Variants in NOL4 observed in about 807,000 individuals in gnomAD.
The protein encoded by NOL4 is cancer/testis antigen 125.
In NOL4, 17 loss-of-function variants were observed where a neutral mutation model predicts 75.9. That is an observed-to-expected ratio of 0.22 (90% CI 0.15 to 0.34). The LOEUF is 0.34. Among genes scored for constraint, NOL4 ranks in the 10% least tolerant of loss-of-function variants. NOL4 has a pLI of 1.00. For synonymous variants in NOL4, 292 were observed against 289.9 expected, an observed-to-expected ratio of 1.01 and a Z score of -0.07; for missense variants, 614 against 793.5, an observed-to-expected ratio of 0.77 and a Z score of 2.72.
At chr18:34,060,554 T>C (rs1281439808) in intron 5 of NOL4, among the ~76,000 whole-genome samples, 6 of 152,226 alleles carry the variant, frequency 3.9e-5, no homozygotes, top group Non-Finnish European at 7.3e-5. Context: ...CTTCCCATTA[T>C]TGAAATATAA....
intron 9 of NOL4, among the ~76,000 whole-genome samples, chr18:33,921,984 A>G (rs2067068944): frequency 6.6e-6 from 1 of 152,208 alleles, no homozygotes; most frequent in Non-Finnish European, 1.5e-5. Flanking sequence ...CTCTGGCCTC[A>G]GCAATTGCTT....
intron 1 of NOL4, among the ~76,000 whole-genome samples, chr18:34,175,001 T>G (rs993989005): frequency 6.6e-6 from 1 of 152,142 alleles, no homozygotes; most frequent in Non-Finnish European, 1.5e-5. Context: ...GATCTAGAAC[T>G]AGAAATACCA....
chr18:34,207,551 G>A (rs772874500), intron 1 of NOL4, among the ~76,000 whole-genome samples: 28 of 152,150 alleles, frequency 1.8e-4, no homozygotes, highest in Admixed American at 1.6e-3. Context: ...ATGGTGCTTT[G>A]CATATATTCT....
At chr18:34,212,108 C>G (rs189161706) in intron 1 of NOL4, among the ~76,000 whole-genome samples, 283 of 152,198 alleles carry the variant, frequency 1.9e-3, no homozygotes, top group African/African-American at 6.5e-3. Flanking sequence ...CTCCATCCTA[C>G]TGCTAAAACA....
Position 33,974,479 on chromosome 18 carries a change from G to C in NOL4, c.1057-16061C>G, listed in dbSNP as rs112379504. 7.2e-3 allele frequency among the ~76,000 whole-genome samples: 1,099 copies of C among 152,148 alleles called. 13 individuals carry two copies. The highest frequency in any genetic ancestry group is 0.023 in the African/African-American group (967 of 41,530). On this transcript the variant is annotated intron_variant, in intron 6 of 10. Coordinates refer to ENST00000261592, the MANE Select transcript of NOL4 (RefSeq NM_003787.5). ...AGGCTCAAGGAGAGGGAGAGAGATG[G>C]GGGAACAGCCAGTCATTGGAGTAGT...
chr18:33,924,306 T>C (rs2067204510), intron 9 of NOL4, among the ~76,000 whole-genome samples: 1 of 152,200 alleles, frequency 6.6e-6, no homozygotes, highest in Non-Finnish European at 1.5e-5. Context: ...TGGGACATTC[T>C]TTATCTGCTC....
chr18:33,887,506 G>A (rs1023878036), intron 9 of NOL4, among the ~76,000 whole-genome samples: 3 of 151,416 alleles, frequency 2.0e-5, no homozygotes, highest in African/African-American at 7.3e-5. Context: ...GGGCCATGTT[G>A]GTTTGCTGCA....
intron 5 of NOL4, among the ~76,000 whole-genome samples, chr18:34,034,597 G>A (rs1031264693): frequency 1.3e-5 from 2 of 151,974 alleles, no homozygotes; most frequent in Non-Finnish European, 2.9e-5. Flanking sequence ...AAATCAGCTG[G>A]GCATAGTGGT....
intron 2 of NOL4, among the ~76,000 whole-genome samples, chr18:34,112,373 A>T (rs1014527544): frequency 1.3e-5 from 2 of 149,540 alleles, no homozygotes; most frequent in Non-Finnish European, 3.0e-5. Context: ...TCCCCCCCCA[A>T]AAAAAAAAGA....
chr18:33,861,630 C>A (rs1037786612), intron 10 of NOL4, among the ~76,000 whole-genome samples: 3 of 152,042 alleles, frequency 2.0e-5, no homozygotes, highest in South Asian at 2.1e-4. Flanking sequence ...CAATAACAGA[C>A]AAACAGAGAG....
At chr18:34,221,641 G>T (rs1600922538) in intron 1 of NOL4, 2 of 154,494 alleles carry the variant, frequency 1.3e-5, no homozygotes, top group South Asian at 2.1e-4. Flanking sequence ...ACTTTTATAT[G>T]TGTTTCCATT....
chr18:33,863,579 A>G (rs1391304669), intron 10 of NOL4, among the ~76,000 whole-genome samples: 1 of 152,112 alleles, frequency 6.6e-6, no homozygotes, highest in Non-Finnish European at 1.5e-5. Flanking sequence ...AAGCTCTGAA[A>G]TGATCTTCTT....
At chr18:34,122,869 C>T (rs547709962) in intron 2 of NOL4, among the ~76,000 whole-genome samples, 1 of 152,090 alleles carries the variant, frequency 6.6e-6, no homozygotes, top group Non-Finnish European at 1.5e-5. Flanking sequence ...ACCTCTCGAT[C>T]TGAGTGAGAA....
chr18:34,018,119 C>T (rs925433684), intron 6 of NOL4, among the ~76,000 whole-genome samples: 5 of 152,088 alleles, frequency 3.3e-5, no homozygotes, highest in East Asian at 1.9e-4. Context: ...GAGCATTTCA[C>T]GATTATTTAA....
At chr18:34,061,921 T>C (rs958697831) in intron 5 of NOL4, among the ~76,000 whole-genome samples, 1 of 152,140 alleles carries the variant, frequency 6.6e-6, no homozygotes, top group African/African-American at 2.4e-5. Flanking sequence ...TCTAGTCATG[T>C]TATCAGGAAC....
chr18:34,079,181 T>C (rs1316096964), intron 5 of NOL4, among the ~76,000 whole-genome samples: 1 of 152,118 alleles, frequency 6.6e-6, no homozygotes, highest in East Asian at 1.9e-4. Context: ...TTTGTGAGGC[T>C]TTGGAAGTGT....
intron 9 of NOL4, among the ~76,000 whole-genome samples, chr18:33,939,423 A>AT (rs879377126): frequency 2.0e-5 from 3 of 152,074 alleles, no homozygotes; most frequent in Non-Finnish European, 2.9e-5. Context: ...ATGTTTTTCC[A>AT]TTTTTTTGTG....
At chr18:33,866,988 G>T (rs2063459560) in intron 10 of NOL4, among the ~76,000 whole-genome samples, 1 of 151,932 alleles carries the variant, frequency 6.6e-6, no homozygotes, top group Non-Finnish European at 1.5e-5. Context: ...TAGACCATTG[G>T]GTTCTCTGGC....
At chr18:33,868,022 C>T (rs1279705517) in intron 10 of NOL4, among the ~76,000 whole-genome samples, 1 of 151,588 alleles carries the variant, frequency 6.6e-6, no homozygotes, top group Non-Finnish European at 1.5e-5. Flanking sequence ...ATATGCTTTA[C>T]TCGGTCTACT....
Sources: gnomAD v4.1 joint callset for allele counts (sites outside exome capture counted in the v4.1 genomes callset) on GRCh38, gnomAD v4.1.1 for gene constraint, MANE v1.5 for transcripts, NCBI Gene and HGNC (gene_info 2026-07-23, HGNC 2026-07-21) for gene names.